The following COL27A1 variants were observed in gnomAD, a reference collection of about 807,000 sequenced individuals.
The protein encoded by COL27A1 is collagen type XXVII alpha 1 chain.
Under a neutral mutation model 251.3 loss-of-function variants are expected in COL27A1, and 106 were observed. The ratio of observed to expected loss-of-function variants is 0.42; its 90% CI spans 0.36 to 0.50. The LOEUF is 0.50. Among genes scored for constraint, COL27A1 ranks in the 20% least tolerant of loss-of-function variants. The pLI, the probability that COL27A1 is intolerant of heterozygous loss-of-function variation, is 0.00. For synonymous variants in COL27A1, 1,000 were observed against 986.3 expected, an observed-to-expected ratio of 1.01 and a Z score of -0.26; for missense variants, 2,325 against 2,522.8, an observed-to-expected ratio of 0.92 and a Z score of 1.68.
chr9:114,195,556 T>C (rs1211909669), intron 6 of COL27A1, among the ~76,000 whole-genome samples: 1 of 152,174 alleles, frequency 6.6e-6, no homozygotes, highest in African/African-American at 2.4e-5. Flanking sequence ...GTGGCAGAAA[T>C]GCCCCCTGCT....
chr9:114,238,850 G>A (rs1407630191), intron 19 of COL27A1, among the ~76,000 whole-genome samples: 2 of 152,170 alleles, frequency 1.3e-5, no homozygotes, highest in African/African-American at 4.8e-5. Context: ...TTGCTGAATC[G>A]CCACGACAGC....
intron 35 of COL27A1, among the ~76,000 whole-genome samples, chr9:114,269,900 C>G (rs1835018391): frequency 6.6e-6 from 1 of 152,208 alleles, no homozygotes; most frequent in Admixed American, 6.5e-5. Flanking sequence ...CCAGCTCAGA[C>G]TCTGAACAGC....
Position 114,289,431 on chromosome 9 carries a change from G to A in COL27A1, c.4206+136G>A, listed in dbSNP as rs1458089018. On this transcript the variant is annotated intron_variant, in intron 45 of 60. Transcript: ENST00000356083. Reference sequence around the variant, plus strand: ...GGGAGGGGCGGCCCACCAGGAGCCCGGCAGGCTGCTTCTGGCCATGACCCC... The same window carrying A: ...GGGAGGGGCGGCCCACCAGGAGCCCAGCAGGCTGCTTCTGGCCATGACCCC... The A allele has an allele frequency of 3.0e-5, 23 of 764,984 alleles. No individual in the cohort carries two copies. In the East Asian group the frequency reaches 3.1e-4, roughly 10 times the overall value. The allele number at this position is 764,984 out of a possible 1,614,324, so 47.4% of individuals were successfully genotyped here.
At chr9:114,205,019 G>A in intron 7 of COL27A1, 83 bp from the exon 8 acceptor site, 3 of 1,359,846 alleles carry the variant, frequency 2.2e-6, no homozygotes, top group Non-Finnish European at 2.1e-6. Flanking sequence ...GCTGAACAGG[G>A]CAGGCCGGGA....
rs1381617535 is a variant in COL27A1, at chr9:114,205,759, G to A, written c.2170G>A (p.Gly724Arg). ...TATGTTTCTCTCTGTTCCTTTGCAG[G>A]GGCAGCCAGGACCTGAGGGCAGCCC... ...PGPAGHPGEQ[G>R]QPGPEGSPGA... is the part of the protein sequence containing the mutation. The change falls in exon 9 of 61, where the codon GGG becomes AGG. Residue 724 changes from glycine to arginine, a missense_variant and splice_region_variant. By Grantham distance (125) the Gly-to-Arg change is moderately radical. Around this residue, in one of 4 missense-constraint regions of COL27A1, gnomAD observed 1,183 missense variants for 1,144.1 expected, o/e 1.03. Transcript: ENST00000356083. The A allele has an allele frequency of 7.4e-6, 12 of 1,613,894 alleles. No homozygotes were observed. Among genetic ancestry groups the A allele is most frequent in the Non-Finnish European group, 1.0e-5 (12 of 1,179,896 alleles).
chr9:114,264,874 C>T (rs777055137), intron 29 of COL27A1, 50 bp from the exon 30 acceptor site: 41 of 1,567,008 alleles, frequency 2.6e-5, no homozygotes, highest in South Asian at 1.9e-4. Flanking sequence ...TTTTGGGGAA[C>T]GGTCCTCCCA....
Position 114,311,548 on chromosome 9 carries a change from G to GAAAAAAAAAAAAAAAAAAAGA in COL27A1, c.*870_*871insAAGAAAAAAAAAAAAAAAAAA, listed in dbSNP as rs56094843. 8 of 96,158 alleles carry GAAAAAAAAAAAAAAAAAAAGA rather than the reference G, an allele frequency of 8.3e-5. No homozygotes were observed. The highest frequency in any genetic ancestry group is 2.4e-4 in the East Asian group (1 of 4,242). The allele number at this position is 96,158 out of a possible 1,614,324, so 6.0% of individuals were successfully genotyped here. ...AGGAGGAAAAAAGAAAAGAAAAAAG[G>GAAAAAAAAAAAAAAAAAAAGA]AAAAAAAAAAAAAAAAAGCAAAACA... On this transcript the variant is annotated 3_prime_UTR_variant, in exon 61 of 61. Transcript: ENST00000356083.
At chr9:114,309,233 C>T (rs752069022) in intron 59 of COL27A1, 27 bp from the exon 60 acceptor site, 1 of 1,603,316 alleles carries the variant, frequency 6.2e-7, no homozygotes, top group East Asian at 2.3e-5. Context: ...GCAGCCTGAG[C>T]CGCTCACTGC....
chr9:114,218,087 A>C (rs1830828902), intron 12 of COL27A1: 1 of 308,548 alleles, frequency 3.2e-6, no homozygotes, highest in Non-Finnish European at 6.3e-6. Context: ...AGCCTGGATG[A>C]CAGAGTGAGA....
At chr9:114,310,179 A>G (rs532006746) in intron 60 of COL27A1, among the ~76,000 whole-genome samples, 1 of 152,310 alleles carries the variant, frequency 6.6e-6, no homozygotes, top group East Asian at 1.9e-4. Flanking sequence ...GTGTACACTA[A>G]AGAACTTATT....
At chr9:114,163,867 G>C (rs1053006475) in intron 2 of COL27A1, among the ~76,000 whole-genome samples, 2 of 148,894 alleles carry the variant, frequency 1.3e-5, no homozygotes, top group African/African-American at 2.4e-5. Flanking sequence ...CGGGGGGCGG[G>C]GGGAGAGGCT....
intron 24 of COL27A1, among the ~76,000 whole-genome samples, chr9:114,248,569 C>T (rs1295152266): frequency 1.3e-5 from 2 of 152,232 alleles, no homozygotes; most frequent in African/African-American, 4.8e-5. Flanking sequence ...GCCATGCCCG[C>T]AGCTTTCCAA....
At chr9:114,226,080 CTG>C (rs137964891) in intron 14 of COL27A1, among the ~76,000 whole-genome samples, 2,793 of 152,280 alleles carry the variant, frequency 0.018, 87 homozygotes, top group African/African-American at 0.064. Context: ...CTCAAGAAAA[CTG>C]TGCCTGATTC....
rs1829397978 is a variant in COL27A1, at chr9:114,310,863, G to C, written c.*168G>C. On this transcript the variant is annotated 3_prime_UTR_variant, in exon 61 of 61. Coordinates refer to ENST00000356083, the MANE Select transcript of COL27A1 (RefSeq NM_032888.4). The stretch of plus-strand genomic sequence containing the variant: ...AGTAGAAGTGGGTGGGGGTAGGAGG[G>C]GATAGGGTGTCCTTGGGAACAATGG... 1.6e-6 allele frequency: 1 copy of C among 614,634 alleles called. No homozygotes were observed. The highest frequency in any genetic ancestry group is 2.8e-6 in the Non-Finnish European group (1 of 361,686). The allele number at this position is 614,634 out of a possible 1,614,324, so 38.1% of individuals were successfully genotyped here.
intron 7 of COL27A1, among the ~76,000 whole-genome samples, chr9:114,197,088 C>T (rs1461945932): frequency 6.6e-6 from 1 of 152,218 alleles, no homozygotes; most frequent in Non-Finnish European, 1.5e-5. Flanking sequence ...GAAGGCAATG[C>T]AGACTAAGGA....
At chr9:114,283,620 C>A in intron 39 of COL27A1, 89 bp from the exon 40 acceptor site, 1 of 1,220,116 alleles carries the variant, frequency 8.2e-7, no homozygotes, top group Non-Finnish European at 1.2e-6. Context: ...GGCTGCTGGG[C>A]GGAGCGGGGC....
chr9:114,271,948 C>A (rs1332447549), intron 36 of COL27A1: 1 of 152,176 alleles, frequency 6.6e-6, no homozygotes, highest in African/African-American at 2.4e-5. Context: ...AGCGAGAGCA[C>A]CCCCTGTCTG....
chr9:114,266,216 T>G (rs1171008999), intron 32 of COL27A1, among the ~76,000 whole-genome samples: 1 of 151,940 alleles, frequency 6.6e-6, no homozygotes, highest in Non-Finnish European at 1.5e-5. Flanking sequence ...GAACAGTGGG[T>G]TGGCTGGGGG....
intron 3 of COL27A1, among the ~76,000 whole-genome samples, chr9:114,174,641 G>A (rs1029724339): frequency 2.0e-5 from 3 of 152,152 alleles, no homozygotes; most frequent in Non-Finnish European, 4.4e-5. Context: ...AGTAAATGGA[G>A]AAGAACCAGC....
Sources: gnomAD v4.1 joint callset for allele counts (sites outside exome capture counted in the v4.1 genomes callset) on GRCh38, gnomAD v4.1.1 for gene constraint, gnomAD v4.1.1 regional missense constraint, MANE v1.5 for transcripts, NCBI Gene and HGNC (gene_info 2026-07-23, HGNC 2026-07-21) for gene names.